ABR: variants seen among roughly 807,000 people sequenced by gnomAD.
ABR encodes the protein ABR activator of RhoGEF and GTPase.
ABR carries 35 observed loss-of-function variants against 107.2 expected under a neutral mutation model. The observed-to-expected ratio is 0.33, with a 90% CI of 0.25 to 0.43. ABR has a LOEUF of 0.43. ABR is among the 20% of genes least tolerant of loss of function. ABR has a pLI of 1.00. For missense variants in ABR, 815 were observed against 1,115.2 expected (o/e 0.73, Z 3.83); for synonymous variants, 498 against 462.0 (o/e 1.08, Z -1.00).
At chr17:1,100,822 C>T (rs375885122) in intron 2 of ABR, 87 bp from the exon 3 acceptor site, 46 of 1,279,204 alleles carry the variant, frequency 3.6e-5, no homozygotes, top group Non-Finnish European at 4.8e-5. Context: ...CCCTTCCCCC[C>T]CGACCTTTAT....
intron 1 of ABR, among the ~76,000 whole-genome samples, chr17:1,152,099 T>C (rs2586271): frequency 0.63 from 93,684 of 149,828 alleles, 29,593 homozygotes; most frequent in African/African-American, 0.74. Flanking sequence ...ACCATCCTGG[T>C]TAACACGGGG....
In ABR at chr17:1,228,871, AGT is replaced by A. The variant is rs2043275371; in HGVS notation, c.758_759del (p.Asp253ValfsTer41). 1 of 151,564 alleles carries A rather than the reference AGT, an allele frequency of 6.6e-6. No individual in the cohort carries two copies. Among genetic ancestry groups the A allele is most frequent in the Non-Finnish European group, 1.5e-5 (1 of 67,834 alleles). 9.4% of individuals were successfully genotyped at this position (151,564 alleles called of 1,614,324 possible). ...CTCTCCGGCGAGCTGTGGCCGGGCG[AGT>A]CCCGCTCGGGCACCCGCAGGAACCT... On this transcript the variant is annotated frameshift_variant, in exon 1 of 23. Transcript: ENST00000574139. LOFTEE classifies it high-confidence loss of function.
intron 16 of ABR, among the ~76,000 whole-genome samples, chr17:1,038,007 A>G (rs1010871204): frequency 2.2e-4 from 33 of 152,122 alleles, no homozygotes; most frequent in Non-Finnish European, 4.6e-4. Context: ...ATGAAATTTT[A>G]TGCCGACGTC....
intron 1 of ABR, among the ~76,000 whole-genome samples, chr17:1,136,548 C>T (rs1020326737): frequency 1.6e-4 from 25 of 152,160 alleles, no homozygotes; most frequent in African/African-American, 5.3e-4. Flanking sequence ...ATGTTTAGTG[C>T]GGTGACCTTC....
chr17:1,018,104 G>A (rs1283885698), intron 16 of ABR, among the ~76,000 whole-genome samples: 1 of 151,826 alleles, frequency 6.6e-6, no homozygotes, highest in African/African-American at 2.4e-5. Context: ...GTGCTGTGGC[G>A]CGATCCTGGC....
intron 1 of ABR, among the ~76,000 whole-genome samples, chr17:1,205,487 A>G (rs979121880): frequency 1.3e-5 from 2 of 152,186 alleles, no homozygotes; most frequent in African/African-American, 4.8e-5. Context: ...TTCATTTCCA[A>G]GATTTCAGTA....
intron 2 of ABR, among the ~76,000 whole-genome samples, chr17:1,106,437 A>ACG (rs397760370): frequency 6.6e-6 from 1 of 150,646 alleles, no homozygotes; most frequent in Non-Finnish European, 1.5e-5. Flanking sequence ...ACACACACAC[A>ACG]TGCACGCATC....
Position 1,011,193 on chromosome 17 carries a change from C to T in ABR, c.2102-330G>A, listed in dbSNP as rs1196447534. On this transcript the variant is annotated intron_variant, in intron 19 of 22. Coordinates refer to ENST00000302538, the MANE Select transcript of ABR (RefSeq NM_021962.5). This position sits in a 1 kb window ranked among gnomAD's most constrained non-coding sequence, Gnocchi z 4.8. The stretch of plus-strand genomic sequence containing the variant: ...GACTGGAACCTCTCCATCGCTAAGC[C>T]CCTCTCTGGAAGGCATTGCACACTT... 9 of 337,060 alleles carry T rather than the reference C, an allele frequency of 2.7e-5. No individual in the cohort carries two copies. Among genetic ancestry groups the T allele is most frequent in the Non-Finnish European group, 4.5e-5 (8 of 177,010 alleles). The allele number at this position is 337,060 out of a possible 1,614,324, so 20.9% of individuals were successfully genotyped here. A position where few individuals can be genotyped will look rare whatever the true frequency, so the allele number is the denominator to read the frequency against.
At chr17:1,069,940 G>T in intron 9 of ABR, 29 bp downstream of exon 9, 3 of 280,290 alleles carry the variant, frequency 1.1e-5, no homozygotes, top group Non-Finnish European at 1.9e-5. Context: ...CCCCTCCCCC[G>T]CCCCGTGCCC....
intron 1 of ABR, among the ~76,000 whole-genome samples, chr17:1,144,872 T>C (rs2040466029): frequency 6.6e-6 from 1 of 151,940 alleles, no homozygotes; most frequent in Non-Finnish European, 1.5e-5. Context: ...ATACAAAAAT[T>C]AGCTGGGTGT....
At chr17:1,111,900 C>G (rs1173611122) in intron 2 of ABR, among the ~76,000 whole-genome samples, 1 of 152,238 alleles carries the variant, frequency 6.6e-6, no homozygotes, top group African/African-American at 2.4e-5. Context: ...AGCCACGGCC[C>G]TTCCACTCCA....
chr17:1,133,976 G>C (rs7406274), intron 1 of ABR, among the ~76,000 whole-genome samples: 71,276 of 152,060 alleles, frequency 0.47, 16,959 homozygotes, highest in East Asian at 0.55. Flanking sequence ...GCTGCCACCA[G>C]GAACAGGTCA....
chr17:1,057,355 TGTGTGTGTGTGG>T (rs2033429827), intron 12 of ABR, among the ~76,000 whole-genome samples: 1 of 86,142 alleles, frequency 1.2e-5, no homozygotes, highest in Admixed American at 1.3e-4. Context: ...TGTGTGTGTG[TGTGTGTGTGTGG>T]TGTATGCGTT....
chr17:1,142,547 T>C (rs2040328252), intron 1 of ABR, among the ~76,000 whole-genome samples: 1 of 149,482 alleles, frequency 6.7e-6, no homozygotes, highest in Non-Finnish European at 1.5e-5. Flanking sequence ...ATCACACCAT[T>C]GCACTCCAGC....
At chr17:1,026,146 C>T (rs931471337) in intron 16 of ABR, among the ~76,000 whole-genome samples, 1 of 152,258 alleles carries the variant, frequency 6.6e-6, no homozygotes, top group Non-Finnish European at 1.5e-5. Context: ...TCCAGGAGAT[C>T]ATCCTGTTCA....
chr17:1,066,782 G>C (rs1229857532), intron 10 of ABR, among the ~76,000 whole-genome samples: 1 of 152,106 alleles, frequency 6.6e-6, no homozygotes, highest in African/African-American at 2.4e-5. Context: ...ACCTGCCTCG[G>C]CCTTCCAAAG....
At chr17:1,064,578 A>G (rs56340732) in intron 10 of ABR, among the ~76,000 whole-genome samples, 31 of 88,516 alleles carry the variant, frequency 3.5e-4, no homozygotes, top group African/African-American at 1.1e-3. Flanking sequence ...TCCTCTAGAC[A>G]CTGCTGTTAT....
intron 5 of ABR, among the ~76,000 whole-genome samples, 175 bp from the exon 6 acceptor site, chr17:1,079,565 G>T (rs1180439164): frequency 6.6e-6 from 1 of 152,064 alleles, no homozygotes; most frequent in African/African-American, 2.4e-5. Context: ...GTGGTGGGCG[G>T]ATCACCTGAG....
At chr17:1,146,269 A>T (rs2040519622) in intron 1 of ABR, among the ~76,000 whole-genome samples, 1 of 143,268 alleles carries the variant, frequency 7.0e-6, no homozygotes, top group East Asian at 2.5e-4. Flanking sequence ...AGACACACAC[A>T]CACACACACA....
Sources: gnomAD v4.1 joint callset for allele counts (sites outside exome capture counted in the v4.1 genomes callset) on GRCh38, gnomAD v4.1.1 for gene constraint, Gnocchi (gnomAD v3.1) non-coding constraint, MANE v1.5 for transcripts, NCBI Gene and HGNC (gene_info 2026-07-23, HGNC 2026-07-21) for gene names.